The following CPM variants were observed in gnomAD, a reference collection of about 807,000 sequenced individuals.
CPM encodes carboxypeptidase M.
A neutral mutation model predicts 46.4 loss-of-function variants in CPM; 35 were observed. The observed-to-expected ratio is 0.75, with a 90% CI of 0.58 to 1.00. CPM has a LOEUF of 1.00. Among genes scored for constraint, CPM ranks in the 50% least tolerant of loss-of-function variants. The pLI, the probability that CPM is intolerant of heterozygous loss-of-function variation, is 0.00. For synonymous variants in CPM, 195 were observed against 195.3 expected, an observed-to-expected ratio of 1.00 and a Z score of 0.01; for missense variants, 422 against 530.4, an observed-to-expected ratio of 0.80 and a Z score of 2.01.
At chr12:68,907,260 A>T (rs1213819751) in intron 2 of CPM, among the ~76,000 whole-genome samples, 1 of 152,198 alleles carries the variant, frequency 6.6e-6, no homozygotes, top group Non-Finnish European at 1.5e-5. Context: ...TTTCCTGAAC[A>T]CTGCAGTTGC....
At chr12:68,939,948 AAT>A (rs1429229938) in intron 1 of CPM, among the ~76,000 whole-genome samples, 1 of 152,064 alleles carries the variant, frequency 6.6e-6, no homozygotes, top group African/African-American at 2.4e-5. Context: ...TCTTTTAAAA[AAT>A]AGTCTATTAA....
chr12:68,856,531 A>G lies in CPM; in HGVS notation c.1238T>C (p.Ile413Thr). The change falls in exon 9 of 9, where the codon ATT becomes ACT. Residue 413 changes from isoleucine (I) to threonine (T), a missense_variant. Coordinates refer to ENST00000551568, the MANE Select transcript of CPM (RefSeq NM_198320.5). ...IPVSNPSCPM[I>T]PLYRNLPDHS... ...GTCTGGCAAATTTCTGTATAGAGGA[A>G]TCATTGGGCATGAAGGATTTGATAC... 2 of 1,614,254 alleles carry G rather than the reference A, an allele frequency of 1.2e-6. No homozygotes were observed. The highest frequency in any genetic ancestry group is 8.5e-7 in the Non-Finnish European group (1 of 1,180,036).
intron 8 of CPM, 82 bp downstream of exon 8, chr12:68,858,841 C>A (rs1002431526): frequency 1.1e-6 from 1 of 897,210 alleles, no homozygotes; most frequent in Non-Finnish European, 1.5e-6. Context: ...ACTTCCTAGA[C>A]TTATTTTGGA....
chr12:68,924,029 G>A (rs938346166), intron 2 of CPM, among the ~76,000 whole-genome samples: 1 of 151,938 alleles, frequency 6.6e-6, no homozygotes, highest in Admixed American at 6.6e-5. Context: ...AATTGTGGGC[G>A]GAGGGGACAG....
chr12:68,931,160 A>G (rs868540825), intron 2 of CPM, among the ~76,000 whole-genome samples: 5 of 152,182 alleles, frequency 3.3e-5, no homozygotes, highest in African/African-American at 1.2e-4. Context: ...TTACTATTAC[A>G]CACAGCCCAG....
At chr12:68,891,494 T>C (rs1886651901) in intron 2 of CPM, among the ~76,000 whole-genome samples, 1 of 152,234 alleles carries the variant, frequency 6.6e-6, no homozygotes, top group Non-Finnish European at 1.5e-5. Flanking sequence ...ATTTTACGTA[T>C]ATTCACTCAT....
intron 3 of CPM, among the ~76,000 whole-genome samples, chr12:68,874,611 GA>G (rs1166973810): frequency 2.6e-5 from 4 of 151,314 alleles, no homozygotes; most frequent in Non-Finnish European, 5.9e-5. Context: ...ACACCATCTC[GA>G]AAAAAAACCA....
intron 2 of CPM, among the ~76,000 whole-genome samples, chr12:68,905,033 C>T (rs557007207): frequency 6.6e-6 from 1 of 151,946 alleles, no homozygotes; most frequent in African/African-American, 2.4e-5. Flanking sequence ...CTCAGCCTCC[C>T]GAGTAGCTGG....
chr12:68,931,763 A>AAAAAAAAAAAAGAAAG (rs1482981614), intron 2 of CPM, among the ~76,000 whole-genome samples: 1 of 132,504 alleles, frequency 7.5e-6, no homozygotes, highest in African/African-American at 3.1e-5. Context: ...AAAAAAAAAA[A>AAAAAAAAAAAAGAAAG]AAAGAAAGAA....
chr12:68,887,185 G>C (rs922470318), intron 2 of CPM, among the ~76,000 whole-genome samples: 1 of 152,140 alleles, frequency 6.6e-6, no homozygotes, highest in African/African-American at 2.4e-5. Context: ...TTTTAAAATT[G>C]TCTGGCACTT....
chr12:68,842,394 C>G (rs1373275196), intron 5 of CPM: 1 of 492,166 alleles, frequency 2.0e-6, no homozygotes. Flanking sequence ...CTAAAAATCT[C>G]ATTATCTATA....
chr12:68,901,559 T>C (rs1375262742), intron 2 of CPM, among the ~76,000 whole-genome samples: 9 of 152,244 alleles, frequency 5.9e-5, no homozygotes, highest in Admixed American at 5.9e-4. Context: ...AAATTTTTAT[T>C]ACAACTAGCA....
At chr12:68,948,270 G>T (rs1888879160) in intron 1 of CPM, among the ~76,000 whole-genome samples, 1 of 152,140 alleles carries the variant, frequency 6.6e-6, no homozygotes, top group African/African-American at 2.4e-5. Context: ...AGTTTATATT[G>T]AAAGTGTGAA....
chr12:68,900,980 G>A (rs1037313463), intron 2 of CPM, among the ~76,000 whole-genome samples: 2 of 152,140 alleles, frequency 1.3e-5, no homozygotes, highest in African/African-American at 4.8e-5. Context: ...TTCAGTGTAG[G>A]TTTATTAGTT....
At chr12:68,897,708 G>A (rs1287652617) in intron 2 of CPM, among the ~76,000 whole-genome samples, 7 of 141,782 alleles carry the variant, frequency 4.9e-5, no homozygotes, top group African/African-American at 1.9e-4. Context: ...TTGCACTCCA[G>A]TCTGGGTGAC....
intron 3 of CPM, among the ~76,000 whole-genome samples, chr12:68,881,374 C>T (rs1886182403): frequency 6.6e-6 from 1 of 152,146 alleles, no homozygotes; most frequent in South Asian, 2.1e-4. Context: ...TAAAAAGATA[C>T]TGGATTAAAT....
downstream of CPM, chr12:68,846,713 G>A (rs189288622): frequency 6.6e-6 from 1 of 152,172 alleles, no homozygotes; most frequent in Admixed American, 6.5e-5. Flanking sequence ...AGAACACTAT[G>A]AAATGGGTGC....
intron 2 of CPM, among the ~76,000 whole-genome samples, chr12:68,908,443 T>G (rs1288412790): frequency 6.6e-6 from 1 of 151,654 alleles, no homozygotes; most frequent in Admixed American, 6.6e-5. Context: ...TGGAGGTATC[T>G]GCTAAAATTG....
chr12:68,906,553 G>A (rs1052226180), intron 2 of CPM, among the ~76,000 whole-genome samples: 1 of 151,934 alleles, frequency 6.6e-6, no homozygotes, highest in Non-Finnish European at 1.5e-5. Flanking sequence ...GTAGTGGCAC[G>A]ATCTTGGTTC....
Sources: allele counts gnomAD v4.1 joint callset (sites outside exome capture counted in the v4.1 genomes callset), GRCh38; gene constraint gnomAD v4.1.1; transcripts MANE v1.5; gene names NCBI Gene and HGNC (gene_info 2026-07-23, HGNC 2026-07-21).